MCF2L2: variants seen among roughly 807,000 people sequenced by gnomAD.
MCF2L2 encodes MCF.2 cell line derived transforming sequence-like 2, also known as probable guanine nucleotide exchange factor MCF2L2.
Under a neutral mutation model 150.2 loss-of-function variants are expected in MCF2L2, and 102 were observed. That is an observed-to-expected ratio of 0.68 (90% CI 0.58 to 0.80). The LOEUF is 0.80. MCF2L2 is among the 30% of genes least tolerant of loss of function. The pLI, the probability that MCF2L2 is intolerant of heterozygous loss-of-function variation, is 0.00. For synonymous variants in MCF2L2, 465 were observed against 491.3 expected, an observed-to-expected ratio of 0.95 and a Z score of 0.71; for missense variants, 1,256 against 1,372.8, an observed-to-expected ratio of 0.91 and a Z score of 1.34.
At chr3:183,252,900 C>A (rs947402734) in intron 15 of MCF2L2, among the ~76,000 whole-genome samples, 1 of 152,154 alleles carries the variant, frequency 6.6e-6, no homozygotes, top group African/African-American at 2.4e-5. Context: ...ATCCAGGATT[C>A]ATTTATAATC....
In MCF2L2 at chr3:183,270,149, T is replaced by C; in HGVS notation, c.1862+6723A>G. 3 of 1,614,120 alleles carry C rather than the reference T, an allele frequency of 1.9e-6. No individual in the cohort carries two copies. The highest frequency in any genetic ancestry group is 2.5e-6 in the Non-Finnish European group (3 of 1,180,012). On this transcript the variant is annotated intron_variant, in intron 15 of 29. Transcript: ENST00000328913. The surrounding 1 kb of genome is among the most constrained non-coding windows in gnomAD (Gnocchi z 4.5). ...GGACGTGGGGCAATGAAAATTATGT[T>C]CGGTCTCAGCTGAATGCCAACATCA...
chr3:183,212,273 T>C (rs1722760097), intron 22 of MCF2L2, among the ~76,000 whole-genome samples: 1 of 152,234 alleles, frequency 6.6e-6, no homozygotes, highest in African/African-American at 2.4e-5. Context: ...TTAAGTCACG[T>C]ACTTTGTGGT....
intron 3 of MCF2L2, chr3:183,378,384 C>A (rs1713317194): frequency 6.6e-6 from 1 of 152,246 alleles, no homozygotes; most frequent in East Asian, 1.9e-4. Flanking sequence ...ATGGTGGTGA[C>A]CAATGTGGAC....
intron 1 of MCF2L2, among the ~76,000 whole-genome samples, chr3:183,417,328 T>C (rs1426286710): frequency 6.6e-6 from 1 of 152,140 alleles, no homozygotes; most frequent in African/African-American, 2.4e-5. Context: ...AACCCCATCA[T>C]AAGTCATAAG....
At chr3:183,397,836 T>A (rs1393618825) in intron 1 of MCF2L2, among the ~76,000 whole-genome samples, 1 of 152,226 alleles carries the variant, frequency 6.6e-6, no homozygotes, top group Non-Finnish European at 1.5e-5. Flanking sequence ...AGATGTTTAT[T>A]ATAGCTTGTT....
intron 27 of MCF2L2, among the ~76,000 whole-genome samples, chr3:183,190,392 C>T (rs1435296560): frequency 1.3e-5 from 2 of 152,212 alleles, no homozygotes. Flanking sequence ...ACCCCTCCTG[C>T]TACTAACGGT....
At chr3:183,245,674 C>G (rs960612746) in intron 15 of MCF2L2, among the ~76,000 whole-genome samples, 2 of 152,170 alleles carry the variant, frequency 1.3e-5, no homozygotes, top group Non-Finnish European at 2.9e-5. Context: ...TTACATCCTT[C>G]TTCTGTTTTG....
At chr3:183,272,446 T>C in intron 15 of MCF2L2, 1 of 1,000,154 alleles carries the variant, frequency 1.0e-6, no homozygotes, top group Non-Finnish European at 1.2e-6. Flanking sequence ...CGAAAAAAGA[T>C]TTCTCAGTAT....
intron 1 of MCF2L2, among the ~76,000 whole-genome samples, chr3:183,408,521 C>A (rs1715162050): frequency 6.6e-6 from 1 of 152,212 alleles, no homozygotes; most frequent in Non-Finnish European, 1.5e-5. Flanking sequence ...ATCCCCACTC[C>A]TTCATATCCC....
chr3:183,366,447 C>A (rs991155268), intron 3 of MCF2L2, among the ~76,000 whole-genome samples: 1 of 152,188 alleles, frequency 6.6e-6, no homozygotes, highest in African/African-American at 2.4e-5. Context: ...AAGTTCAAGA[C>A]CAGCCTGGCC....
chr3:183,308,978 A>G (rs935537329), intron 10 of MCF2L2, among the ~76,000 whole-genome samples: 3 of 152,226 alleles, frequency 2.0e-5, no homozygotes, highest in Non-Finnish European at 4.4e-5. Context: ...TCAAACAAGC[A>G]GAAAGGAACT....
In MCF2L2 at chr3:183,427,988, A is replaced by T; in HGVS notation, c.-11T>A. ...TAAGCAAGACAGCATTTCACTGAAAAACCATTCCGTATAAATAAAGCCAAA... is the reference window on the plus strand; with the variant it reads ...TAAGCAAGACAGCATTTCACTGAAATACCATTCCGTATAAATAAAGCCAAA... On this transcript the variant is annotated 5_prime_UTR_variant, in exon 1 of 30. Coordinates refer to ENST00000328913, the MANE Select transcript of MCF2L2 (RefSeq NM_015078.4). The T allele has an allele frequency of 6.2e-7, 1 of 1,608,476 alleles. No individual in the cohort carries two copies. The highest frequency in any genetic ancestry group is 8.5e-7 in the Non-Finnish European group (1 of 1,175,120).
At chr3:183,180,432 G>GT in intron 27 of MCF2L2, 2 of 401,234 alleles carry the variant, frequency 5.0e-6, no homozygotes, top group East Asian at 3.9e-5. Context: ...AACAGTCATT[G>GT]TTTTTTGTGT....
intron 18 of MCF2L2, chr3:183,226,172 G>T: frequency 6.6e-6 from 1 of 152,216 alleles, no homozygotes; most frequent in East Asian, 1.9e-4. Context: ...AAAACACTTG[G>T]TCAGAAAACT....
chr3:183,289,255 T>G (rs1727980328), intron 13 of MCF2L2, 35 bp from the exon 14 acceptor site: 4 of 1,385,264 alleles, frequency 2.9e-6, no homozygotes, highest in African/African-American at 1.4e-5. Flanking sequence ...GTTATTTAAC[T>G]TATAAACTAT....
intron 3 of MCF2L2, among the ~76,000 whole-genome samples, chr3:183,364,810 C>T (rs1509016): frequency 7.2e-5 from 11 of 151,990 alleles, no homozygotes; most frequent in African/African-American, 1.7e-4. Flanking sequence ...TAATTTCCTA[C>T]GAAAATATAG....
intron 7 of MCF2L2, among the ~76,000 whole-genome samples, chr3:183,315,556 C>T (rs1244237423): frequency 2.0e-5 from 3 of 152,214 alleles, no homozygotes; most frequent in African/African-American, 7.2e-5. Flanking sequence ...ATACTTCTAA[C>T]TATGTGGCCT....
intron 15 of MCF2L2, among the ~76,000 whole-genome samples, chr3:183,251,140 G>C (rs886603853): frequency 6.6e-6 from 1 of 152,196 alleles, no homozygotes; most frequent in East Asian, 1.9e-4. Context: ...TACATGGCCC[G>C]TGATGTGTTT....
chr3:183,343,686 T>A (rs1020237035), intron 3 of MCF2L2, among the ~76,000 whole-genome samples: 1 of 152,106 alleles, frequency 6.6e-6, no homozygotes, highest in Non-Finnish European at 1.5e-5. Flanking sequence ...GCAACTTGAA[T>A]CTGCAAGAAG....
Sources: allele counts gnomAD v4.1 joint callset (sites outside exome capture counted in the v4.1 genomes callset), GRCh38; gene constraint gnomAD v4.1.1; non-coding constraint Gnocchi (gnomAD v3.1); transcripts MANE v1.5; gene names NCBI Gene and HGNC (gene_info 2026-07-23, HGNC 2026-07-21).